Variants in THSD4 observed in about 807,000 individuals in gnomAD.
THSD4 encodes thrombospondin type 1 domain containing 4.
A neutral mutation model predicts 119.0 loss-of-function variants in THSD4; 69 were observed. The ratio of observed to expected loss-of-function variants is 0.58; its 90% CI spans 0.48 to 0.71. THSD4 has a LOEUF of 0.71. THSD4 is among the 30% of genes least tolerant of loss of function. THSD4 has a pLI of 0.00. For missense variants in THSD4, 1,393 were observed against 1,391.1 expected, an observed-to-expected ratio of 1.00 and a Z score of -0.02; for synonymous variants, 524 against 540.4, an observed-to-expected ratio of 0.97 and a Z score of 0.42.
chr15:71,251,319 C>A (rs187894880), intron 5 of THSD4, among the ~76,000 whole-genome samples: 90 of 152,286 alleles, frequency 5.9e-4, no homozygotes, highest in Non-Finnish European at 1.3e-4. Flanking sequence ...CCACAGTGGA[C>A]ATTTGGTGTC....
intron 7 of THSD4, among the ~76,000 whole-genome samples, chr15:71,592,818 G>T (rs1265701693): frequency 6.6e-6 from 1 of 152,028 alleles, no homozygotes; most frequent in African/African-American, 2.4e-5. Flanking sequence ...GAGGGGTGAG[G>T]AGTAACATTT....
chr15:71,391,114 C>T (rs1165564562), intron 6 of THSD4, among the ~76,000 whole-genome samples: 2 of 151,552 alleles, frequency 1.3e-5, no homozygotes, highest in Non-Finnish European at 2.9e-5. Context: ...CTGCAAGCTC[C>T]GCCTCCCGGG....
chr15:71,672,717 A>T (rs2051558208), intron 8 of THSD4, among the ~76,000 whole-genome samples: 1 of 152,196 alleles, frequency 6.6e-6, no homozygotes, highest in South Asian at 2.1e-4. Context: ...AATTTTGTCA[A>T]AGGCCTTTTC....
intron 5 of THSD4, among the ~76,000 whole-genome samples, chr15:71,253,620 C>T (rs2044283392): frequency 6.6e-6 from 1 of 152,086 alleles, no homozygotes; most frequent in South Asian, 2.1e-4. Context: ...TATTGGCAGG[C>T]TGGTCTCGAA....
chr15:71,748,200 G>C (rs549539802), intron 13 of THSD4, among the ~76,000 whole-genome samples: 46 of 152,264 alleles, frequency 3.0e-4, no homozygotes, highest in Non-Finnish European at 5.7e-4. Flanking sequence ...GGGAGGCTTA[G>C]GATTTTATTT....
At position 71,320,802 on chromosome 15, in the gene THSD4, C is replaced by T. The variant is rs1225509558; in HGVS notation, c.1015+64087C>T. ...TTTTCAGTTCTCTTTCAACTCCAGA[C>T]ATCTTTTTTTTTCAACATCAAGGAA... On this transcript the variant is annotated intron_variant, in intron 6 of 17. Coordinates refer to ENST00000261862, the MANE Select transcript of THSD4 (RefSeq NM_024817.3). 2.0e-5 allele frequency among the ~76,000 whole-genome samples: 3 copies of T among 152,052 alleles called. No homozygotes were observed. In the East Asian group the frequency reaches 5.8e-4, roughly 29 times the overall value.
chr15:71,662,631 A>G (rs1212848364), intron 8 of THSD4, among the ~76,000 whole-genome samples: 1 of 152,042 alleles, frequency 6.6e-6, no homozygotes, highest in Non-Finnish European at 1.5e-5. Flanking sequence ...TTCAGTAAGC[A>G]GTTTTCAAGC....
chr15:71,273,537 T>G (rs1172528437), intron 6 of THSD4, among the ~76,000 whole-genome samples: 1 of 152,120 alleles, frequency 6.6e-6, no homozygotes, highest in African/African-American at 2.4e-5. Flanking sequence ...AAGAGTAGAT[T>G]CTAAATGTTC....
chr15:71,740,019 G>A (rs902090570), intron 11 of THSD4, among the ~76,000 whole-genome samples: 1 of 152,018 alleles, frequency 6.6e-6, no homozygotes, highest in African/African-American at 2.4e-5. Flanking sequence ...GTTCTTCTTG[G>A]GGGCTGGAGC....
chr15:71,388,769 T>C (rs2046328480), intron 6 of THSD4, among the ~76,000 whole-genome samples: 1 of 151,780 alleles, frequency 6.6e-6, no homozygotes, highest in African/African-American at 2.4e-5. Flanking sequence ...TGTGATAATA[T>C]GATAAAATAT....
intron 2 of THSD4, among the ~76,000 whole-genome samples, chr15:71,152,726 G>A (rs989235507): frequency 3.9e-5 from 6 of 152,156 alleles, no homozygotes; most frequent in African/African-American, 1.2e-4. Flanking sequence ...GTTGGCAGAT[G>A]TCCAAGTTCC....
At chr15:71,723,682 G>A (rs2052765502) in intron 8 of THSD4, among the ~76,000 whole-genome samples, 1 of 152,162 alleles carries the variant, frequency 6.6e-6, no homozygotes, top group Non-Finnish European at 1.5e-5. Flanking sequence ...ATGCCTTGAA[G>A]GAAAGTTTCT....
At chr15:71,527,449 C>T (rs185963045) in intron 7 of THSD4, among the ~76,000 whole-genome samples, 1 of 152,210 alleles carries the variant, frequency 6.6e-6, no homozygotes, top group Admixed American at 6.5e-5. Context: ...GTTTTTATAA[C>T]TTCCCAACAC....
At chr15:71,531,652 A>T (rs1002998173) in intron 7 of THSD4, among the ~76,000 whole-genome samples, 10 of 152,232 alleles carry the variant, frequency 6.6e-5, no homozygotes, top group African/African-American at 2.4e-4. Context: ...GTTATTTAAA[A>T]CAGAGAATAC....
intron 6 of THSD4, among the ~76,000 whole-genome samples, chr15:71,336,732 C>T (rs1596345935): frequency 1.3e-5 from 2 of 152,294 alleles, no homozygotes; most frequent in African/African-American, 4.8e-5. Flanking sequence ...CCTTATTTGG[C>T]AATTTGGATA....
At chr15:71,256,791 T>C (rs2044323122) in intron 6 of THSD4, 76 bp downstream of exon 6, 2 of 1,372,728 alleles carry the variant, frequency 1.5e-6, no homozygotes, top group Non-Finnish European at 1.0e-6. Context: ...TGATTGATGT[T>C]GGAGGTATTG....
At chr15:71,286,616 C>A (rs1037858054) in intron 6 of THSD4, among the ~76,000 whole-genome samples, 4 of 152,160 alleles carry the variant, frequency 2.6e-5, no homozygotes, top group Non-Finnish European at 4.4e-5. Context: ...TGAACATATG[C>A]ATGCATGTGT....
chr15:71,460,726 A>G (rs1013235015), intron 7 of THSD4, among the ~76,000 whole-genome samples: 16 of 152,198 alleles, frequency 1.1e-4, no homozygotes, highest in African/African-American at 3.6e-4. Flanking sequence ...GTTTGCGTAC[A>G]AGATAGCTAC....
At chr15:71,220,798 G>A (rs1162159053) in intron 4 of THSD4, among the ~76,000 whole-genome samples, 1 of 152,176 alleles carries the variant, frequency 6.6e-6, no homozygotes, top group Non-Finnish European at 1.5e-5. Context: ...ACTCTGGGAA[G>A]CATAGACTGG....
Sources: allele counts gnomAD v4.1 joint callset (sites outside exome capture counted in the v4.1 genomes callset), GRCh38; gene constraint gnomAD v4.1.1; transcripts MANE v1.5; gene names NCBI Gene and HGNC (gene_info 2026-07-23, HGNC 2026-07-21).